The following NEBL variants were observed in gnomAD, a reference collection of about 807,000 sequenced individuals.
The protein encoded by NEBL is nebulette, also known as LIM and SH3 protein 2.
NEBL carries 122 observed loss-of-function variants against 140.2 expected under a neutral mutation model. The ratio of observed to expected loss-of-function variants is 0.87; its 90% CI spans 0.75 to 1.01. The LOEUF is 1.01. Ranked by LOEUF, NEBL falls within the 50% of genes least tolerant of loss-of-function variation. The probability of loss-of-function intolerance (pLI) is 0.00; values close to 1 mark genes in which losing one functional copy is unlikely to be tolerated. For synonymous variants in NEBL, 436 were observed against 398.9 expected, an observed-to-expected ratio of 1.09 and a Z score of -1.11; for missense variants, 1,365 against 1,231.3, an observed-to-expected ratio of 1.11 and a Z score of -1.62.
chr10:20,880,906 T>G lies in NEBL; in HGVS notation c.370-2A>C. Reference sequence around the variant, plus strand: ...ATCATGTTTCTGCTTGTAGGCCACCTGAAAAACACAAATAATTTTTAGTCC... The same window carrying G: ...ATCATGTTTCTGCTTGTAGGCCACCGGAAAAACACAAATAATTTTTAGTCC... On this transcript the variant is annotated splice_acceptor_variant, in intron 4 of 27. Transcript: ENST00000377122. LOFTEE classifies it high-confidence loss of function. The G allele has an allele frequency of 6.2e-7, 1 of 1,612,528 alleles. No individual in the cohort carries two copies. The highest frequency in any genetic ancestry group is 8.5e-7 in the Non-Finnish European group (1 of 1,178,574).
intron 4 of NEBL, among the ~76,000 whole-genome samples, chr10:20,936,439 A>G (rs1457690789): frequency 6.6e-6 from 1 of 152,242 alleles, no homozygotes; most frequent in Non-Finnish European, 1.5e-5. Context: ...GACAAAGATT[A>G]TGAAATCTGT....
At chr10:21,152,228 A>G (rs1419997107) in intron 2 of NEBL, among the ~76,000 whole-genome samples, 1 of 152,186 alleles carries the variant, frequency 6.6e-6, no homozygotes, top group African/African-American at 2.4e-5. Context: ...TTTCGTGCTC[A>G]TCTGTCTGGC....
At chr10:21,155,894 C>T (rs146091016) in intron 2 of NEBL, among the ~76,000 whole-genome samples, 265 of 152,238 alleles carry the variant, frequency 1.7e-3, no homozygotes, top group African/African-American at 5.8e-3. Context: ...CAGAGATTAA[C>T]GCCCACTGCA....
intron 3 of NEBL, among the ~76,000 whole-genome samples, chr10:21,209,512 C>T (rs2132234117): frequency 6.6e-6 from 1 of 152,160 alleles, no homozygotes; most frequent in South Asian, 2.1e-4. Flanking sequence ...GGAAAATGGA[C>T]TTCAGGTAGG....
chr10:21,069,845 C>T (rs1490936960), intron 2 of NEBL: 3 of 372,942 alleles, frequency 8.0e-6, no homozygotes, highest in Admixed American at 3.4e-5. Flanking sequence ...ATATTAATCA[C>T]AACATTGTCT....
chr10:20,813,847 T>G lies in NEBL; in HGVS notation c.2346+92A>C. The G allele has an allele frequency of 3.5e-6, 3 of 853,498 alleles. No homozygotes were observed. The South Asian group carries it at 4.1e-5, about 12-fold the overall frequency. 52.9% of individuals were successfully genotyped at this position (853,498 alleles called of 1,614,324 possible). ...AGCCAACCACATTTCCATGCTTTGT[T>G]AGTTATCGGATTAATAGTGAAGTAA... On this transcript the variant is annotated intron_variant, in intron 23 of 27. Coordinates refer to ENST00000377122, the MANE Select transcript of NEBL (RefSeq NM_006393.3).
chr10:20,955,385 A>C (rs558447743), intron 4 of NEBL, among the ~76,000 whole-genome samples: 21 of 152,202 alleles, frequency 1.4e-4, no homozygotes, highest in Non-Finnish European at 2.8e-4. Flanking sequence ...GAGACACATC[A>C]CTGTAGCTGG....
chr10:21,168,764 A>G (rs1840909838), intron 2 of NEBL, among the ~76,000 whole-genome samples: 1 of 151,866 alleles, frequency 6.6e-6, no homozygotes, highest in Non-Finnish European at 1.5e-5. Flanking sequence ...ATGGCTCAAC[A>G]GTGGCCGGGC....
chr10:21,078,099 C>CA (rs1836189440), intron 2 of NEBL, among the ~76,000 whole-genome samples: 1 of 152,090 alleles, frequency 6.6e-6, no homozygotes, highest in African/African-American at 2.4e-5. Context: ...GATGGAAATG[C>CA]ATTCTATGGG....
intron 18 of NEBL, among the ~76,000 whole-genome samples, chr10:20,825,632 C>A (rs990384159): frequency 2.0e-5 from 3 of 151,724 alleles, no homozygotes; most frequent in African/African-American, 7.3e-5. Flanking sequence ...CCACTGCACT[C>A]CAGCCTAGGC....
At chr10:21,021,826 G>A (rs1215885510) in intron 2 of NEBL, among the ~76,000 whole-genome samples, 3 of 152,066 alleles carry the variant, frequency 2.0e-5, no homozygotes, top group South Asian at 2.1e-4. Flanking sequence ...TGCCTATATC[G>A]CTAGCACCTG....
chr10:21,286,947 GT>G (rs1252677447), intron 1 of NEBL, among the ~76,000 whole-genome samples: 2 of 152,182 alleles, frequency 1.3e-5, no homozygotes, highest in Non-Finnish European at 2.9e-5. Context: ...AGCGACAAGT[GT>G]GACCAACAAA....
chr10:21,001,501 A>AC (rs151003899), intron 3 of NEBL, among the ~76,000 whole-genome samples: 1,734 of 152,216 alleles, frequency 0.011, 29 homozygotes, highest in African/African-American at 0.04. Flanking sequence ...AGGGAAAGAA[A>AC]CCCCAAGGAA....
At chr10:21,201,047 C>CT (rs11423353) in intron 3 of NEBL, among the ~76,000 whole-genome samples, 29,882 of 151,776 alleles carry the variant, frequency 0.2, 4,182 homozygotes, top group African/African-American at 0.39. Flanking sequence ...CACCACTGCA[C>CT]CCAGCCTGAG....
chr10:20,799,598 A>AC (rs1407883393), intron 26 of NEBL, among the ~76,000 whole-genome samples: 1 of 152,216 alleles, frequency 6.6e-6, no homozygotes, highest in African/African-American at 2.4e-5. Flanking sequence ...TAACACTCAA[A>AC]TATAGTTGGG....
Position 21,076,167 on chromosome 10 carries a change from G to T in NEBL, c.165-55966C>A, listed in dbSNP as rs1268317533. On this transcript the variant is annotated intron_variant, in intron 2 of 6. Coordinates refer to the NEBL transcript ENST00000417816. The stretch of plus-strand genomic sequence containing the variant: ...AATTAAACATAGAATTACCAACCAG[G>T]CACGGTGGCTTACACCTGTAATCCC... Among the ~76,000 whole-genome samples the T allele has an allele frequency of 3.9e-5, 6 of 152,162 alleles. No individual in the cohort carries two copies. The East Asian group carries it at 5.8e-4, about 15-fold the overall frequency.
At chr10:21,187,405 C>T (rs982030385) in intron 3 of NEBL, among the ~76,000 whole-genome samples, 4 of 152,066 alleles carry the variant, frequency 2.6e-5, no homozygotes, top group East Asian at 1.9e-4. Context: ...ACGGGGATGA[C>T]GTTTTGTCGA....
At chr10:21,065,302 C>G (rs1589195039) in intron 2 of NEBL, among the ~76,000 whole-genome samples, 1 of 152,148 alleles carries the variant, frequency 6.6e-6, no homozygotes, top group East Asian at 1.9e-4. Flanking sequence ...TTGTTTAACC[C>G]ACAAATGAAT....
intron 2 of NEBL, among the ~76,000 whole-genome samples, chr10:21,166,147 G>C (rs975850740): frequency 6.8e-6 from 1 of 147,366 alleles, no homozygotes; most frequent in African/African-American, 2.5e-5. Context: ...GTCAATCCGG[G>C]AGGCGGAGCT....
Sources: allele counts gnomAD v4.1 joint callset (sites outside exome capture counted in the v4.1 genomes callset), GRCh38; gene constraint gnomAD v4.1.1; transcripts MANE v1.5; gene names NCBI Gene and HGNC (gene_info 2026-07-23, HGNC 2026-07-21).